The following TRHDE variants were observed in gnomAD, a reference collection of about 807,000 sequenced individuals.
TRHDE encodes thyrotropin releasing hormone degrading enzyme, also known as thyrotropin-releasing hormone-degrading ectoenzyme.
Under a neutral mutation model 125.7 loss-of-function variants are expected in TRHDE, and 72 were observed. That is an observed-to-expected ratio of 0.57 (90% CI 0.47 to 0.70). TRHDE has a LOEUF of 0.70. TRHDE is among the 30% of genes least tolerant of loss of function. The pLI, the probability that TRHDE is intolerant of heterozygous loss-of-function variation, is 0.00. For synonymous variants in TRHDE, 509 were observed against 509.1 expected (o/e 1.00, Z 0.00); for missense variants, 1,110 against 1,327.1 (o/e 0.84, Z 2.54).
intron 2 of TRHDE, among the ~76,000 whole-genome samples, chr12:72,310,823 G>A (rs762311307): frequency 2.6e-5 from 4 of 151,994 alleles, no homozygotes; most frequent in East Asian, 1.9e-4. Context: ...AGCTTATTCC[G>A]ACCTCTAATG....
At chr12:72,589,674 A>G (rs965807286) in intron 12 of TRHDE, among the ~76,000 whole-genome samples, 1 of 152,098 alleles carries the variant, frequency 6.6e-6, no homozygotes, top group Non-Finnish European at 1.5e-5. Flanking sequence ...CATCTAGGTC[A>G]TTACAGTCAT....
intron 1 of TRHDE, among the ~76,000 whole-genome samples, chr12:72,277,963 C>T (rs1879551752): frequency 6.6e-6 from 1 of 152,100 alleles, no homozygotes; most frequent in Admixed American, 6.5e-5. Flanking sequence ...TTAACATCTA[C>T]TCTCAGCAGT....
intron 2 of TRHDE, among the ~76,000 whole-genome samples, chr12:72,332,879 T>C (rs1345036926): frequency 6.6e-6 from 1 of 152,174 alleles, no homozygotes; most frequent in East Asian, 1.9e-4. Context: ...AGAATCCACA[T>C]TTAAACGATA....
chr12:72,208,739 T>C (rs1877718984), intron 2 of TRHDE, among the ~76,000 whole-genome samples: 1 of 152,196 alleles, frequency 6.6e-6, no homozygotes, highest in Non-Finnish European at 1.5e-5. Context: ...TGACTGTTAT[T>C]AATTATTATT....
intron 5 of TRHDE, among the ~76,000 whole-genome samples, chr12:72,486,288 ATAGT>A (rs1366926010): frequency 3.9e-5 from 6 of 152,124 alleles, no homozygotes; most frequent in Non-Finnish European, 7.4e-5. Flanking sequence ...AGGTGCTATA[ATAGT>A]TAGTTTTACA....
chr12:72,200,718 G>A (rs2139354712), intron 2 of TRHDE, among the ~76,000 whole-genome samples: 1 of 152,310 alleles, frequency 6.6e-6, no homozygotes, highest in South Asian at 2.1e-4. Context: ...CAAATTTGCA[G>A]TCTAGATCAA....
chr12:72,270,674 G>A (rs528286149), upstream of TRHDE, among the ~76,000 whole-genome samples: 2 of 152,260 alleles, frequency 1.3e-5, no homozygotes, highest in African/African-American at 2.4e-5. Flanking sequence ...TAACCCAGAA[G>A]CCAATCACAC....
intron 1 of TRHDE, among the ~76,000 whole-genome samples, chr12:72,284,523 A>G (rs1879810153): frequency 1.3e-5 from 2 of 152,216 alleles, no homozygotes; most frequent in South Asian, 2.1e-4. Flanking sequence ...CATTAAGCAG[A>G]AAGTGTATTA....
At chr12:72,149,229 T>C (rs1054149510) in intron 2 of TRHDE, among the ~76,000 whole-genome samples, 2 of 152,124 alleles carry the variant, frequency 1.3e-5, no homozygotes, top group African/African-American at 4.8e-5. Context: ...CTAGGTACCT[T>C]ATGTAAGGTA....
At chr12:72,557,038 G>A (rs1311073963) in intron 7 of TRHDE, among the ~76,000 whole-genome samples, 2 of 152,104 alleles carry the variant, frequency 1.3e-5, no homozygotes, top group Non-Finnish European at 2.9e-5. Context: ...TTCTCACCCT[G>A]TTATAAACAG....
intron 1 of TRHDE, among the ~76,000 whole-genome samples, chr12:72,102,072 T>C (rs1875080414): frequency 6.6e-6 from 1 of 152,252 alleles, no homozygotes; most frequent in Non-Finnish European, 1.5e-5. Flanking sequence ...AGGGAATCTT[T>C]AGAAAGCAGT....
intron 2 of TRHDE, among the ~76,000 whole-genome samples, chr12:72,172,458 C>T (rs1230902425): frequency 6.6e-6 from 1 of 152,142 alleles, no homozygotes; most frequent in Non-Finnish European, 1.5e-5. Flanking sequence ...TGTATAGTGC[C>T]TGTACAAGCA....
At chr12:72,557,169 A>G (rs982671327) in intron 7 of TRHDE, among the ~76,000 whole-genome samples, 1 of 152,286 alleles carries the variant, frequency 6.6e-6, no homozygotes, top group African/African-American at 2.4e-5. Context: ...CAAATGTGGG[A>G]AATTTGCTGC....
At chr12:72,643,041 G>C (rs181861987) in intron 15 of TRHDE, among the ~76,000 whole-genome samples, 2 of 152,052 alleles carry the variant, frequency 1.3e-5, no homozygotes, top group African/African-American at 4.8e-5. Context: ...TGGCATATCC[G>C]GTGCTTACCA....
At chr12:72,221,111 T>C (rs547508655) in intron 2 of TRHDE, among the ~76,000 whole-genome samples, 4 of 152,160 alleles carry the variant, frequency 2.6e-5, no homozygotes, top group African/African-American at 9.6e-5. Flanking sequence ...TTTGAGAGAA[T>C]AAACTGAAAA....
At chr12:72,292,469 A>T (rs1326246237) in intron 2 of TRHDE, among the ~76,000 whole-genome samples, 1 of 152,184 alleles carries the variant, frequency 6.6e-6, no homozygotes, top group Non-Finnish European at 1.5e-5. Context: ...TATAATTTTC[A>T]TGGCCAGTGA....
At chr12:72,641,496 C>T (rs1874058611) in intron 15 of TRHDE, among the ~76,000 whole-genome samples, 1 of 152,094 alleles carries the variant, frequency 6.6e-6, no homozygotes, top group African/African-American at 2.4e-5. Flanking sequence ...AGAACGTACA[C>T]ATTATGTTAT....
intron 6 of TRHDE, among the ~76,000 whole-genome samples, chr12:72,507,408 A>G (rs1878398993): frequency 6.6e-6 from 1 of 152,200 alleles, no homozygotes; most frequent in African/African-American, 2.4e-5. Flanking sequence ...TGATATTGAT[A>G]TGAACAGAGA....
chr12:72,602,036 A>G (rs1872229467), intron 12 of TRHDE, among the ~76,000 whole-genome samples: 2 of 152,154 alleles, frequency 1.3e-5, no homozygotes, highest in Admixed American at 1.3e-4. Flanking sequence ...TATAGATACT[A>G]ATTGAATATC....
Sources: gnomAD v4.1 joint callset for allele counts (sites outside exome capture counted in the v4.1 genomes callset) on GRCh38, gnomAD v4.1.1 for gene constraint, MANE v1.5 for transcripts, NCBI Gene and HGNC (gene_info 2026-07-23, HGNC 2026-07-21) for gene names.